COL26A1: variants seen among roughly 807,000 people sequenced by gnomAD.
COL26A1 encodes the protein collagen alpha-1(XXVI) chain.
Under a neutral mutation model 59.3 loss-of-function variants are expected in COL26A1, and 41 were observed. The observed-to-expected ratio is 0.69, with a 90% CI of 0.54 to 0.90. The LOEUF (loss-of-function observed/expected upper bound fraction) is 0.90, where lower values mean the gene tolerates loss of function less well. Ranked by LOEUF, COL26A1 falls within the 40% of genes least tolerant of loss-of-function variation. The pLI is 0.00. For synonymous variants in COL26A1, 266 were observed against 256.0 expected (o/e 1.04, Z -0.37); for missense variants, 612 against 602.3 (o/e 1.02, Z -0.17).
At chr7:101,383,076 T>TA (rs1341157222) in intron 1 of COL26A1, among the ~76,000 whole-genome samples, 7 of 152,158 alleles carry the variant, frequency 4.6e-5, no homozygotes, top group African/African-American at 1.7e-4. Flanking sequence ...TACATGCTTA[T>TA]AACATTGTGT....
chr7:101,499,670 G>A (rs1412345511), intron 3 of COL26A1, among the ~76,000 whole-genome samples: 1 of 151,332 alleles, frequency 6.6e-6, no homozygotes, highest in African/African-American at 2.4e-5. Context: ...AGTGACAGAG[G>A]GAAACTCTGT....
chr7:101,411,642 A>G (rs1470884370), intron 1 of COL26A1, among the ~76,000 whole-genome samples: 1 of 151,928 alleles, frequency 6.6e-6, no homozygotes, highest in African/African-American at 2.4e-5. Context: ...ATAGTGATGG[A>G]TTCAGTTGGA....
intron 1 of COL26A1, among the ~76,000 whole-genome samples, chr7:101,401,736 AAGGAGGAGG>A (rs375546439): frequency 2.1e-3 from 274 of 132,856 alleles, no homozygotes; most frequent in African/African-American, 8.0e-3. Context: ...GAAGGAAGAG[AAGGAGGAGG>A]AAGAGGAGGA....
chr7:101,469,635 G>T (rs978824072), intron 3 of COL26A1, among the ~76,000 whole-genome samples: 2 of 151,972 alleles, frequency 1.3e-5, no homozygotes, highest in African/African-American at 4.8e-5. Context: ...GATTACAGGC[G>T]TGTGCCACCA....
intron 3 of COL26A1, 98 bp downstream of exon 3, chr7:101,447,885 T>C (rs62463425): frequency 0.21 from 153,744 of 742,242 alleles, 18,234 homozygotes; most frequent in Middle Eastern, 0.32. Flanking sequence ...TTTCCTTTCC[T>C]CCGTAGCTTG....
chr7:101,553,779 C>T (rs2046081665), intron 11 of COL26A1, among the ~76,000 whole-genome samples: 1 of 152,068 alleles, frequency 6.6e-6, no homozygotes, highest in Admixed American at 6.6e-5. Flanking sequence ...GTCAAGGGTG[C>T]TGGGGGACTG....
intron 1 of COL26A1, among the ~76,000 whole-genome samples, chr7:101,387,759 TATATATATATATA>T (rs1331222996): frequency 0.026 from 1,150 of 44,236 alleles, 22 homozygotes; most frequent in Middle Eastern, 0.066. Context: ...TATATTTATA[TATATATATATATA>T]TATATATTTT....
chr7:101,480,083 A>G (rs915521199), intron 3 of COL26A1, among the ~76,000 whole-genome samples: 24 of 152,156 alleles, frequency 1.6e-4, no homozygotes, highest in Non-Finnish European at 2.9e-5. Context: ...TCAGCCTTCT[A>G]AGCAGCTGGG....
intron 3 of COL26A1, among the ~76,000 whole-genome samples, chr7:101,528,965 A>C (rs1263072846): frequency 6.6e-6 from 1 of 152,102 alleles, no homozygotes; most frequent in East Asian, 1.9e-4. Context: ...CAGGAGTTCG[A>C]GACCAGCCTG....
At chr7:101,401,527 A>AGAG (rs111299229) in intron 1 of COL26A1, among the ~76,000 whole-genome samples, 47,780 of 148,150 alleles carry the variant, frequency 0.32, 8,617 homozygotes, top group African/African-American at 0.48. Flanking sequence ...AGGAGGACAA[A>AGAG]GAGAAGGAGG....
intron 3 of COL26A1, among the ~76,000 whole-genome samples, chr7:101,488,258 G>A (rs1223658811): frequency 1.3e-5 from 2 of 149,034 alleles, no homozygotes; most frequent in African/African-American, 5.0e-5. Context: ...TCCAGCCTTG[G>A]TGACAGAGTG....
In COL26A1 at chr7:101,495,183, G is replaced by A. The variant is rs369824787; in HGVS notation, c.386-37899G>A. 3.5e-4 allele frequency among the ~76,000 whole-genome samples: 53 copies of A among 152,330 alleles called. No individual in the cohort carries two copies. In the South Asian group the frequency reaches 9.9e-3, roughly 29 times the overall value. On this transcript the variant is annotated intron_variant, in intron 3 of 12. Coordinates refer to ENST00000313669, the MANE Select transcript of COL26A1 (RefSeq NM_001278563.3). ...TCAGGTAGAGGAGCCATCAGTCCCAGCTGGAACCCAACACACAGGGCTAGA... is the reference window on the plus strand; with the variant it reads ...TCAGGTAGAGGAGCCATCAGTCCCAACTGGAACCCAACACACAGGGCTAGA...
chr7:101,455,227 A>G lies in COL26A1; in HGVS notation c.385+7440A>G, dbSNP rs147312689. On this transcript the variant is annotated intron_variant, in intron 3 of 12. Transcript: ENST00000313669. Reference sequence around the variant, plus strand: ...CTGGCTAATTTTTGTGTATCTTTGTAGAGACGGGGTTTCACCATGTTGCCC... The same window carrying G: ...CTGGCTAATTTTTGTGTATCTTTGTGGAGACGGGGTTTCACCATGTTGCCC... 5.5e-3 allele frequency among the ~76,000 whole-genome samples: 842 copies of G among 151,744 alleles called. 6 individuals are homozygous for G. Among genetic ancestry groups the G allele is most frequent in the African/African-American group, 0.02 (817 of 41,398 alleles).
chr7:101,514,610 C>A (rs980229243), intron 3 of COL26A1, among the ~76,000 whole-genome samples: 11 of 152,144 alleles, frequency 7.2e-5, no homozygotes, highest in Non-Finnish European at 7.4e-5. Context: ...TGGGTCTTAC[C>A]CCAGGCTCTG....
At chr7:101,381,103 A>G (rs1791437745) in intron 1 of COL26A1, among the ~76,000 whole-genome samples, 1 of 152,218 alleles carries the variant, frequency 6.6e-6, no homozygotes, top group Non-Finnish European at 1.5e-5. Context: ...CCAGTTCATT[A>G]TCTTACAGTT....
intron 3 of COL26A1, among the ~76,000 whole-genome samples, chr7:101,481,489 T>A (rs924315505): frequency 6.0e-5 from 9 of 150,938 alleles, no homozygotes; most frequent in Non-Finnish European, 1.3e-4. Flanking sequence ...GGACTCACTG[T>A]CACCCCGGCT....
At chr7:101,532,461 C>T (rs1447484623) in intron 3 of COL26A1, among the ~76,000 whole-genome samples, 1 of 152,178 alleles carries the variant, frequency 6.6e-6, no homozygotes, top group African/African-American at 2.4e-5. Flanking sequence ...TCACTCCCCT[C>T]CCAGCCTCAG....
intron 3 of COL26A1, among the ~76,000 whole-genome samples, chr7:101,468,335 C>T (rs1793814312): frequency 6.6e-6 from 1 of 152,068 alleles, no homozygotes; most frequent in Non-Finnish European, 1.5e-5. Context: ...TATTTTGCAG[C>T]TGCTTTTTAT....
intron 2 of COL26A1, among the ~76,000 whole-genome samples, chr7:101,431,460 A>G (rs868768244): frequency 2.8e-4 from 42 of 151,976 alleles, no homozygotes; most frequent in African/African-American, 9.2e-4. Flanking sequence ...GGGTTTCACC[A>G]TGTTGCGTAG....
Sources: gnomAD v4.1 joint callset for allele counts (sites outside exome capture counted in the v4.1 genomes callset) on GRCh38, gnomAD v4.1.1 for gene constraint, MANE v1.5 for transcripts, NCBI Gene and HGNC (gene_info 2026-07-23, HGNC 2026-07-21) for gene names.